FAM13A: variants seen among roughly 807,000 people sequenced by gnomAD.
FAM13A encodes family with sequence similarity 13 member A, also known as protein FAM13A.
Under a neutral mutation model 129.6 loss-of-function variants are expected in FAM13A, and 76 were observed. The ratio of observed to expected loss-of-function variants is 0.59; its 90% CI spans 0.49 to 0.71. The LOEUF (loss-of-function observed/expected upper bound fraction) is 0.71. Among genes scored for constraint, FAM13A ranks in the 30% least tolerant of loss-of-function variants. The pLI is 0.00. For synonymous variants in FAM13A, 443 were observed against 449.9 expected (o/e 0.98, Z 0.20); for missense variants, 1,108 against 1,249.3 (o/e 0.89, Z 1.70).
chr4:88,735,131 G>A (rs1738715060), intron 21 of FAM13A, among the ~76,000 whole-genome samples: 1 of 152,138 alleles, frequency 6.6e-6, no homozygotes, highest in East Asian at 1.9e-4. Context: ...GGAGTGGGCA[G>A]GGCAGGTGAC....
chr4:88,905,206 G>A (rs948692188), intron 6 of FAM13A, among the ~76,000 whole-genome samples: 9 of 151,750 alleles, frequency 5.9e-5, no homozygotes, highest in Admixed American at 3.3e-4. Flanking sequence ...GTCGCAGCTC[G>A]CTGCGACCTC....
intron 18 of FAM13A, 109 bp from the exon 19 acceptor site, chr4:88,747,124 A>G (rs1741513520): frequency 2.9e-6 from 2 of 686,662 alleles, no homozygotes; most frequent in Non-Finnish European, 5.1e-6. Flanking sequence ...CTCATATAAC[A>G]GCTCTCCCTA....
chr4:88,930,924 T>A (rs2609281), intron 5 of FAM13A, among the ~76,000 whole-genome samples: 28,129 of 152,162 alleles, frequency 0.18, 2,766 homozygotes, highest in Non-Finnish European at 0.21. Flanking sequence ...CTCTTTCCTG[T>A]CCTTCCCATG....
intron 6 of FAM13A, among the ~76,000 whole-genome samples, chr4:88,868,642 C>T (rs750970621): frequency 3.3e-5 from 5 of 152,078 alleles, no homozygotes; most frequent in Non-Finnish European, 7.4e-5. Flanking sequence ...AGGTTCATTG[C>T]CTGCTGTTTT....
At chr4:88,773,310 G>A (rs1219268382) in intron 11 of FAM13A, among the ~76,000 whole-genome samples, 1 of 152,088 alleles carries the variant, frequency 6.6e-6, no homozygotes, top group Non-Finnish European at 1.5e-5. Context: ...GGCAAAACCT[G>A]TTCAAAGACC....
In FAM13A at chr4:89,057,166, T is replaced by G; in HGVS notation, c.-202A>C. ...TCTCTTTCCGCTGAACCCACATGGC[T>G]GGAAGGACTGCCTGGAGTTGAAATT... On this transcript the variant is annotated 5_prime_UTR_variant, in exon 1 of 24. Transcript: ENST00000264344. The G allele has an allele frequency of 2.1e-6, 3 of 1,421,894 alleles. No individual in the cohort carries two copies. The highest frequency in any genetic ancestry group is 2.8e-6 in the Non-Finnish European group (3 of 1,089,660). 88.1% of individuals were successfully genotyped at this position (1,421,894 alleles called of 1,614,324 possible). A position where few individuals can be genotyped will look rare whatever the true frequency, so the allele number is the denominator to read the frequency against.
At chr4:88,816,303 C>T (rs1293018771) in intron 7 of FAM13A, among the ~76,000 whole-genome samples, 1 of 152,128 alleles carries the variant, frequency 6.6e-6, no homozygotes, top group East Asian at 1.9e-4. Flanking sequence ...TTTCTTTGCA[C>T]TACAGGAATG....
At chr4:88,873,816 C>T (rs1323809247) in intron 6 of FAM13A, among the ~76,000 whole-genome samples, 1 of 152,172 alleles carries the variant, frequency 6.6e-6, no homozygotes, top group Non-Finnish European at 1.5e-5. Flanking sequence ...ATACCAAAGC[C>T]TGGCAGAGAC....
intron 6 of FAM13A, among the ~76,000 whole-genome samples, chr4:88,863,524 TG>T (rs1466715958): frequency 6.6e-6 from 1 of 152,190 alleles, no homozygotes; most frequent in East Asian, 1.9e-4. Flanking sequence ...AACCTGAAGT[TG>T]GGGCCATGGA....
intron 4 of FAM13A, among the ~76,000 whole-genome samples, chr4:88,986,085 T>C (rs1372065840): frequency 6.6e-6 from 1 of 151,504 alleles, no homozygotes; most frequent in Admixed American, 6.6e-5. Flanking sequence ...GAAAGAATAA[T>C]GATAAAAGGG....
chr4:88,732,084 C>G lies in FAM13A; in HGVS notation c.2761G>C (p.Gly921Arg). Residue 921 changes from glycine to arginine, a missense_variant, in exon 22 of 24, where the codon GGA (glycine) becomes CGA (arginine). This residue lies in a region of FAM13A where 529 missense variants were observed against 621.2 expected (regional missense o/e 0.85). Transcript: ENST00000264344. ...TTATCATCCATTGGGGAAATAAATCCATCAGCGTCATCTTCGAATTGGTCC... is the reference window on the plus strand; with the variant it reads ...TTATCATCCATTGGGGAAATAAATCGATCAGCGTCATCTTCGAATTGGTCC... ...FLDQFEDDAD[G>R]FISPMDDKIP... The G allele has an allele frequency of 6.2e-7, 1 of 1,613,978 alleles. No homozygotes were observed. Among genetic ancestry groups the G allele is most frequent in the African/African-American group, 1.3e-5 (1 of 75,014 alleles).
chr4:88,932,540 A>G (rs1271665485), intron 5 of FAM13A, among the ~76,000 whole-genome samples: 1 of 152,214 alleles, frequency 6.6e-6, no homozygotes, highest in Admixed American at 6.5e-5. Flanking sequence ...TTAAATAAGA[A>G]AAAAGTGAAT....
At chr4:88,986,095 G>A (rs1762212163) in intron 4 of FAM13A, among the ~76,000 whole-genome samples, 1 of 150,994 alleles carries the variant, frequency 6.6e-6, no homozygotes, top group South Asian at 2.1e-4. Context: ...TGATAAAAGG[G>A]AAACTTCTGA....
At chr4:88,742,987 T>A (rs1215278064) in intron 19 of FAM13A, among the ~76,000 whole-genome samples, 1 of 152,208 alleles carries the variant, frequency 6.6e-6, no homozygotes, top group Non-Finnish European at 1.5e-5. Flanking sequence ...AAACTTTATT[T>A]AAAGTGATAG....
At chr4:88,835,928 C>G (rs1463894556) in intron 7 of FAM13A, among the ~76,000 whole-genome samples, 2 of 152,092 alleles carry the variant, frequency 1.3e-5, no homozygotes, top group Non-Finnish European at 2.9e-5. Flanking sequence ...GACCCCTGCT[C>G]TATATAATTT....
At chr4:88,967,086 G>C (rs1759452065) in intron 4 of FAM13A, among the ~76,000 whole-genome samples, 1 of 152,140 alleles carries the variant, frequency 6.6e-6, no homozygotes, top group Non-Finnish European at 1.5e-5. Context: ...TGAAATAATA[G>C]TACCTAACTT....
intron 4 of FAM13A, among the ~76,000 whole-genome samples, chr4:88,966,748 T>G (rs1579539235): frequency 6.6e-6 from 1 of 152,154 alleles, no homozygotes; most frequent in Non-Finnish European, 1.5e-5. Flanking sequence ...ACTACCAAAA[T>G]AAGTTCATAA....
rs1416480407 is a variant in FAM13A, at chr4:88,728,546, G to A, written c.3059C>T (p.Ser1020Phe). The change falls in exon 24 of 24, where the codon TCC (serine) becomes TTC (phenylalanine). Residue 1020 changes from serine (S) to phenylalanine (F), a missense_variant. Coordinates refer to ENST00000264344, the MANE Select transcript of FAM13A (RefSeq NM_014883.4). ...TGGCCATGCCCCTCACATGGACTTG[G>A]AATCAGTGTCTCTCTTGCTGATGAG... ...EVLISKRDTD[S>F]KSM 1 of 1,614,166 alleles carries A rather than the reference G, an allele frequency of 6.2e-7. No homozygotes were observed. The highest frequency in any genetic ancestry group is 1.7e-4 in the Middle Eastern group (1 of 6,050).
At position 89,031,395 on chromosome 4, in the gene FAM13A, A is replaced by G. The variant is rs143376429; in HGVS notation, c.28-1746T>C. ...GGTTTAGAGCATAGACTATGGAACA[A>G]GACTGGATTGAATCCCATTCTGACT... On this transcript the variant is annotated intron_variant, in intron 1 of 23. Transcript: ENST00000264344. 7.1e-3 allele frequency among the ~76,000 whole-genome samples: 1,083 copies of G among 152,332 alleles called. 17 individuals are homozygous for G. Among genetic ancestry groups the G allele is most frequent in the African/African-American group, 0.025 (1,028 of 41,574 alleles).
Sources: gnomAD v4.1 joint callset for allele counts (sites outside exome capture counted in the v4.1 genomes callset) on GRCh38, gnomAD v4.1.1 for gene constraint, gnomAD v4.1.1 regional missense constraint, MANE v1.5 for transcripts, NCBI Gene and HGNC (gene_info 2026-07-23, HGNC 2026-07-21) for gene names.